Variants in DRC8 observed in about 807,000 individuals in gnomAD.
DRC8 encodes dynein regulatory complex protein 8.
the DRC8 span, among the ~76,000 whole-genome samples, chr1:244,987,294 G>A: frequency 6.6e-6 from 1 of 151,368 alleles, no homozygotes; most frequent in Non-Finnish European, 1.5e-5. Flanking sequence ...TCCACCTCCC[G>A]GGTTCAAGCA....
At chr1:245,121,895 C>CTTATT in the DRC8 span, 58,317 of 415,900 alleles carry the variant, frequency 0.14, 6,788 homozygotes, top group African/African-American at 0.35. Flanking sequence ...TTTCTTTTTT[C>CTTATT]TTATTTTATT....
the DRC8 span, among the ~76,000 whole-genome samples, chr1:245,009,107 C>T: frequency 2.8e-5 from 4 of 141,054 alleles, no homozygotes; most frequent in African/African-American, 1.1e-4. Flanking sequence ...ACCACCTCAG[C>T]TCACTGCAAC....
chr1:245,122,110 A>C, the DRC8 span: 1 of 164,818 alleles, frequency 6.1e-6, no homozygotes, highest in Non-Finnish European at 1.0e-5. Flanking sequence ...TGGTCTGGTG[A>C]CCTCCTGGTC....
At chr1:244,970,664 C>CCGCCCCGCCCCGCCCCGCCCCGCCCCG in the DRC8 span, 1 of 58,242 alleles carries the variant, frequency 1.7e-5, no homozygotes, top group African/African-American at 5.4e-5. Context: ...CCGCCTCTCT[C>CCGCCCCGCCCCGCCCCGCCCCGCCCCG]CCCCGCCCCG....
At chr1:245,049,525 T>C in the DRC8 span, among the ~76,000 whole-genome samples, 1 of 152,204 alleles carries the variant, frequency 6.6e-6, no homozygotes, top group Admixed American at 6.5e-5. The surrounding 1 kb of genome is among the most constrained non-coding windows in gnomAD (Gnocchi z 4.5). Flanking sequence ...GAGTTCATAC[T>C]GTACTCATGA....
the DRC8 span, chr1:245,043,811 T>G: frequency 2.0e-5 from 3 of 152,328 alleles, no homozygotes; most frequent in Admixed American, 6.5e-5. Flanking sequence ...CCGTGCCGAC[T>G]TATCCCAGCT....
At chr1:245,013,450 T>G in the DRC8 span, among the ~76,000 whole-genome samples, 1 of 152,216 alleles carries the variant, frequency 6.6e-6, no homozygotes, top group African/African-American at 2.4e-5. Context: ...AATAAGAACC[T>G]TGCTAGTTCA....
chr1:244,986,198 G>A, the DRC8 span, among the ~76,000 whole-genome samples: 14 of 151,582 alleles, frequency 9.2e-5, no homozygotes, highest in Admixed American at 2.0e-4. Context: ...CAGGTGACCC[G>A]CCCACCTCGG....
At chr1:245,028,095 GC>G in the DRC8 span, among the ~76,000 whole-genome samples, 1 of 152,072 alleles carries the variant, frequency 6.6e-6, no homozygotes, top group African/African-American at 2.4e-5. Context: ...TCCCTATGTT[GC>G]CCAGGCTGGG....
At chr1:245,025,137 A>T in the DRC8 span, among the ~76,000 whole-genome samples, 3 of 152,304 alleles carry the variant, frequency 2.0e-5, no homozygotes, top group African/African-American at 7.2e-5. Flanking sequence ...TAGTTTTAGT[A>T]GAATAAATTT....
At chr1:245,112,369 C>T in the DRC8 span, among the ~76,000 whole-genome samples, 7 of 152,158 alleles carry the variant, frequency 4.6e-5, no homozygotes, top group Admixed American at 2.6e-4. Context: ...CTACTGCACC[C>T]GGCCTTATTT....
the DRC8 span, among the ~76,000 whole-genome samples, chr1:245,067,341 A>G: frequency 5.3e-5 from 8 of 151,978 alleles, no homozygotes; most frequent in African/African-American, 1.9e-4. Flanking sequence ...TTCAGTCCCT[A>G]CTCATTTCGC....
At chr1:245,000,835 ATAT>A in the DRC8 span, among the ~76,000 whole-genome samples, 20 of 152,072 alleles carry the variant, frequency 1.3e-4, no homozygotes, top group African/African-American at 4.8e-4. Context: ...TGCTCAATAA[ATAT>A]TATTGAATGA....
chr1:245,029,047 AAGTGGC>A, the DRC8 span, among the ~76,000 whole-genome samples: 1 of 152,226 alleles, frequency 6.6e-6, no homozygotes, highest in African/African-American at 2.4e-5. Context: ...AGCTTAGGCT[AAGTGGC>A]ATAAATGCCA....
chr1:245,044,269 A>G, the DRC8 span, among the ~76,000 whole-genome samples: 15 of 152,186 alleles, frequency 9.9e-5, no homozygotes, highest in African/African-American at 3.6e-4. Context: ...GCAGCTTGAA[A>G]TCGATCTTGG....
chr1:245,057,122 G>A, the DRC8 span, among the ~76,000 whole-genome samples: 1 of 152,154 alleles, frequency 6.6e-6, no homozygotes, highest in African/African-American at 2.4e-5. Flanking sequence ...AACAAGGTTT[G>A]AACCGTTGGC....
At chr1:245,082,159 G>C in the DRC8 span, 2 of 1,610,686 alleles carry the variant, frequency 1.2e-6, no homozygotes, top group Non-Finnish European at 1.7e-6. Flanking sequence ...CTACTAGAAA[G>C]AAAGTAAGTA....
chr1:245,027,880 T>G, the DRC8 span, among the ~76,000 whole-genome samples: 1 of 151,992 alleles, frequency 6.6e-6, no homozygotes, highest in South Asian at 2.1e-4. Flanking sequence ...GTTTTTTTTT[T>G]TTTTTCAGGA....
At chr1:245,059,475 G>A in the DRC8 span, 2 of 1,604,728 alleles carry the variant, frequency 1.2e-6, no homozygotes, top group Admixed American at 1.7e-5. Context: ...ACGGCGAAAA[G>A]GTTTCATTCA....
Sources: allele counts gnomAD v4.1 joint callset (sites outside exome capture counted in the v4.1 genomes callset), GRCh38; gene constraint gnomAD v4.1.1; non-coding constraint Gnocchi (gnomAD v3.1); transcripts MANE v1.5; gene names NCBI Gene and HGNC (gene_info 2026-07-23, HGNC 2026-07-21).